The following AP4S1 variants were observed in gnomAD, a reference collection of about 807,000 sequenced individuals.
AP4S1 encodes adaptor related protein complex 4 subunit sigma 1.
In AP4S1, 23 loss-of-function variants were observed where a neutral mutation model predicts 19.8. The observed-to-expected ratio is 1.16, with a 90% confidence interval of 0.84 to 1.65. The LOEUF (loss-of-function observed/expected upper bound fraction) is 1.65. AP4S1 is among the 40% of genes most tolerant of loss of function. AP4S1 has a pLI of 0.00. For synonymous variants in AP4S1, 46 were observed against 54.1 expected (o/e 0.85, Z 0.66); for missense variants, 166 against 172.8 (o/e 0.96, Z 0.22).
intron 1 of AP4S1, among the ~76,000 whole-genome samples, chr14:31,033,558 C>T (rs1341162562): frequency 3.3e-5 from 5 of 152,164 alleles, no homozygotes; most frequent in African/African-American, 1.2e-4. Context: ...GTATTAGACT[C>T]CAGAGGAAGA....
At chr14:31,049,431 ATATATAT>A (rs1885631811) in intron 1 of AP4S1, among the ~76,000 whole-genome samples, 195 of 44,070 alleles carry the variant, frequency 4.4e-3, no homozygotes, top group Middle Eastern at 0.017. Context: ...AAAAAAAAAT[ATATATAT>A]ATATATATAT....
chr14:31,041,636 G>A (rs964038771), intron 1 of AP4S1, among the ~76,000 whole-genome samples: 1 of 152,140 alleles, frequency 6.6e-6, no homozygotes, highest in Non-Finnish European at 1.5e-5. Flanking sequence ...GGTCCCCACT[G>A]CCTTTCTCTA....
intron 1 of AP4S1, among the ~76,000 whole-genome samples, chr14:31,037,611 C>T (rs956613251): frequency 6.6e-6 from 1 of 152,132 alleles, no homozygotes; most frequent in Non-Finnish European, 1.5e-5. Flanking sequence ...TATATATATT[C>T]TCTGGGCAAC....
At position 31,084,751 on chromosome 14, in the gene AP4S1, T is replaced by C; in HGVS notation, c.306+4167T>C. On this transcript the variant is annotated intron_variant, in intron 5 of 5. Coordinates refer to ENST00000542754, the MANE Select transcript of AP4S1 (RefSeq NM_001128126.3). ...TATTTAAGACTTCAAATTTTATGAA[T>C]TAAGGTGTTTTTTTTAGGAACCAAT... The C allele has an allele frequency of 1.2e-6, 2 of 1,614,034 alleles. No homozygotes were observed. Among genetic ancestry groups the C allele is most frequent in the Non-Finnish European group, 1.7e-6 (2 of 1,179,932 alleles).
intron 1 of AP4S1, among the ~76,000 whole-genome samples, chr14:31,034,829 AT>A (rs1884631109): frequency 6.7e-6 from 1 of 150,076 alleles, no homozygotes; most frequent in African/African-American, 2.5e-5. Flanking sequence ...GTTCCACCAT[AT>A]TGGCCAGGCT....
chr14:31,089,669 C>T (rs1218058113), intron 5 of AP4S1, among the ~76,000 whole-genome samples: 1 of 152,138 alleles, frequency 6.6e-6, no homozygotes, highest in African/African-American at 2.4e-5. Flanking sequence ...AATCCCAGAA[C>T]TTTGGGAGGC....
chr14:31,083,558 G>A (rs968230047), intron 5 of AP4S1: 15 of 432,804 alleles, frequency 3.5e-5, no homozygotes, highest in Non-Finnish European at 5.8e-5. Context: ...AGGCTGGAGT[G>A]CAGAGGTGCG....
intron 1 of AP4S1, among the ~76,000 whole-genome samples, chr14:31,039,528 CTG>C (rs1490542074): frequency 6.0e-5 from 9 of 149,668 alleles, no homozygotes; most frequent in African/African-American, 2.0e-4. Flanking sequence ...TCAAGAAACA[CTG>C]TATTTAATTA....
At chr14:31,070,387 C>T (rs1033987774) in intron 3 of AP4S1, among the ~76,000 whole-genome samples, 1 of 152,180 alleles carries the variant, frequency 6.6e-6, no homozygotes, top group African/African-American at 2.4e-5. Context: ...ACTGCAGGCT[C>T]ACACTCCCAA....
At chr14:31,042,740 A>G (rs2139456271) in intron 1 of AP4S1, among the ~76,000 whole-genome samples, 1 of 152,306 alleles carries the variant, frequency 6.6e-6, no homozygotes, top group Non-Finnish European at 1.5e-5. Context: ...AAAATACAGT[A>G]TCCTTTTCAG....
intron 2 of AP4S1, among the ~76,000 whole-genome samples, chr14:31,069,482 A>C (rs1886885929): frequency 6.6e-6 from 1 of 152,242 alleles, no homozygotes; most frequent in African/African-American, 2.4e-5. Context: ...GGAGGTGAGA[A>C]GAAGAAAATC....
At chr14:31,030,754 A>C (rs543791318) in intron 1 of AP4S1, among the ~76,000 whole-genome samples, 68 of 152,242 alleles carry the variant, frequency 4.5e-4, no homozygotes, top group African/African-American at 1.5e-3. Flanking sequence ...CTGCCTTCAC[A>C]GAGTTTCTAG....
At chr14:31,051,281 G>T (rs1042152692) in intron 1 of AP4S1, among the ~76,000 whole-genome samples, 1 of 151,610 alleles carries the variant, frequency 6.6e-6, no homozygotes, top group South Asian at 2.1e-4. Context: ...ATACGGTGTA[G>T]ATATGCTGGA....
chr14:31,046,091 C>T (rs1316251059), intron 1 of AP4S1, among the ~76,000 whole-genome samples: 6 of 151,820 alleles, frequency 4.0e-5, no homozygotes, highest in African/African-American at 2.4e-5. Context: ...CTCAGTCTCC[C>T]GAGTAGCTGG....
At chr14:31,059,187 T>A (rs1214397135) in intron 1 of AP4S1, among the ~76,000 whole-genome samples, 1 of 152,242 alleles carries the variant, frequency 6.6e-6, no homozygotes, top group African/African-American at 2.4e-5. Context: ...CAGTTAAAAT[T>A]GTCTAATGTT....
In AP4S1 at chr14:31,060,996, C is replaced by A. The variant is rs1594672683; in HGVS notation, c.-71-5130C>A. Among the ~76,000 whole-genome samples the A allele has an allele frequency of 2.6e-5, 4 of 151,906 alleles. No homozygotes were observed. The South Asian group carries it at 8.3e-4, about 32-fold the overall frequency. ...CCTCCGCCTCCCGGGTTCAAACAATCCTCCTGCCTCAGCCTCCTGAGTAGC... is the reference window on the plus strand; with the variant it reads ...CCTCCGCCTCCCGGGTTCAAACAATACTCCTGCCTCAGCCTCCTGAGTAGC... On this transcript the variant is annotated intron_variant, in intron 1 of 5. Transcript: ENST00000542754.
intron 5 of AP4S1, among the ~76,000 whole-genome samples, chr14:31,082,975 G>T (rs900123296): frequency 2.6e-5 from 4 of 152,034 alleles, no homozygotes; most frequent in Non-Finnish European, 5.9e-5. Flanking sequence ...TTAGGTAACT[G>T]AGCTGAGTTA....
intron 1 of AP4S1, among the ~76,000 whole-genome samples, chr14:31,039,118 G>T (rs7150103): frequency 0.88 from 133,391 of 152,008 alleles, 58,800 homozygotes; most frequent in South Asian, 0.93. Context: ...TCCTCCCACC[G>T]CAGCCTCCCA....
At chr14:31,089,422 T>A (rs897776730) in intron 5 of AP4S1, among the ~76,000 whole-genome samples, 5 of 152,150 alleles carry the variant, frequency 3.3e-5, no homozygotes. Flanking sequence ...AGAAATAAAA[T>A]GAGAAACCAA....
Sources: gnomAD v4.1 joint callset for allele counts (sites outside exome capture counted in the v4.1 genomes callset) on GRCh38, gnomAD v4.1.1 for gene constraint, MANE v1.5 for transcripts, NCBI Gene and HGNC (gene_info 2026-07-23, HGNC 2026-07-21) for gene names.